The following NCOR2 variants were observed in gnomAD, a reference collection of about 807,000 sequenced individuals.
The protein encoded by NCOR2 is CTG repeat protein 26.
In NCOR2, 81 loss-of-function variants were observed where a neutral mutation model predicts 262.9. That is an observed-to-expected ratio of 0.31 (90% CI 0.26 to 0.37). NCOR2 has a LOEUF of 0.37. Among genes scored for constraint, NCOR2 ranks in the 10% least tolerant of loss-of-function variants. The pLI, the probability that NCOR2 is intolerant of heterozygous loss-of-function variation, is 1.00. For missense variants in NCOR2, 3,385 were observed against 3,621.4 expected (o/e 0.93, Z 1.68); for synonymous variants, 1,659 against 1,559.3 (o/e 1.06, Z -1.51).
Position 124,369,831 on chromosome 12 carries a change from C to A in NCOR2, c.2807+2191G>T, listed in dbSNP as rs75172814. 6.4e-3 allele frequency among the ~76,000 whole-genome samples: 981 copies of A among 152,172 alleles called. 12 individuals carry two copies. The highest frequency in any genetic ancestry group is 0.022 in the African/African-American group (932 of 41,546). ...CGGGGAGGGAGGACACGGCCCTGGG[C>A]GGGGCTGCAGGGGAGAGGACGGGAG... On this transcript the variant is annotated intron_variant, in intron 20 of 46. Coordinates refer to ENST00000405201, the Ensembl canonical transcript of NCOR2.
At chr12:124,338,796 C>T (rs1293629594) in intron 37 of NCOR2, among the ~76,000 whole-genome samples, 1 of 152,030 alleles carries the variant, frequency 6.6e-6, no homozygotes, top group Non-Finnish European at 1.5e-5. Context: ...TCCCCATCTA[C>T]TCATCCCACC....
chr12:124,501,747 C>T (rs1015272196), intron 1 of NCOR2, among the ~76,000 whole-genome samples: 3 of 152,218 alleles, frequency 2.0e-5, no homozygotes, highest in African/African-American at 4.8e-5. Flanking sequence ...CAAACAAGGC[C>T]GCACTCCCAG....
rs998070492 is a variant in NCOR2, at chr12:124,503,718, G to T, written c.-117-8350C>A. Among the ~76,000 whole-genome samples, 4 of 146,542 alleles carry T rather than the reference G, an allele frequency of 2.7e-5. No homozygotes were observed. The highest frequency in any genetic ancestry group is 6.0e-5 in the Non-Finnish European group (4 of 66,608). ...TGGATGGATGGATGGATGGACAGAC[G>T]AATGGATGGATGGATGGACGGATGG... On this transcript the variant is annotated intron_variant, in intron 1 of 46. Transcript: ENST00000404621. This position sits in a 1 kb window ranked among gnomAD's most constrained non-coding sequence, Gnocchi z 4.3.
At chr12:124,466,260 C>T (rs376189107) in exon 5 of NCOR2, 20 of 1,608,160 alleles carry the variant, frequency 1.2e-5, no homozygotes, top group Non-Finnish European at 1.5e-5. Flanking sequence ...GCTCGGGCGG[C>T]TTGGCAGCCT....
intron 7 of NCOR2, among the ~76,000 whole-genome samples, chr12:124,446,372 T>C (rs1031021968): frequency 6.6e-6 from 1 of 152,228 alleles, no homozygotes; most frequent in East Asian, 1.9e-4. Flanking sequence ...ATAAACTTCA[T>C]CACTATTATA....
intron 9 of NCOR2, 58 bp from the exon 12 acceptor site, chr12:124,429,764 G>A (rs550942481): frequency 6.8e-7 from 1 of 1,480,562 alleles, no homozygotes; most frequent in East Asian, 2.4e-5. Flanking sequence ...GACACTAGCA[G>A]ACCCCTGTGG....
intron 13 of NCOR2, among the ~76,000 whole-genome samples, chr12:124,412,374 T>C (rs2042630524): frequency 6.6e-6 from 1 of 152,244 alleles, no homozygotes; most frequent in Non-Finnish European, 1.5e-5. Context: ...GGCGTCTTGC[T>C]GCTGGGCTGT....
At chr12:124,494,532 C>T (rs1041769375) in intron 1 of NCOR2, among the ~76,000 whole-genome samples, 12 of 152,314 alleles carry the variant, frequency 7.9e-5, no homozygotes, top group Admixed American at 2.6e-4. Flanking sequence ...CCGACCAGGG[C>T]ACACATGTGG....
At chr12:124,430,769 G>A (rs537132974) in exon 9 of NCOR2, 10 of 1,611,306 alleles carry the variant, frequency 6.2e-6, no homozygotes, top group South Asian at 2.2e-5. Context: ...TGGTCATAGC[G>A]CTGGCAGAAC....
chr12:124,557,782 T>A (rs2051931322), intron 1 of NCOR2, among the ~76,000 whole-genome samples: 1 of 152,090 alleles, frequency 6.6e-6, no homozygotes, highest in African/African-American at 2.4e-5. Flanking sequence ...CTTGCCTTCC[T>A]CCCCTGGTTT....
In NCOR2 at chr12:124,389,249, G is replaced by C. The variant is rs1297367121; in HGVS notation, c.1877-3362C>G. ...AAAATCCAAGGACCCAGGCCCAGCA[G>C]GGCAGCCGTGTCCCCCGCAGCCGGG... On this transcript the variant is annotated intron_variant, in intron 16 of 46. Coordinates refer to ENST00000405201, the Ensembl canonical transcript of NCOR2. This position sits in a 1 kb window ranked among gnomAD's most constrained non-coding sequence, Gnocchi z 4.4. 6.6e-6 allele frequency among the ~76,000 whole-genome samples: 1 copy of C among 152,248 alleles called. No homozygotes were observed. The highest frequency in any genetic ancestry group is 2.4e-5 in the African/African-American group (1 of 41,464).
intron 7 of NCOR2, among the ~76,000 whole-genome samples, chr12:124,441,087 G>A (rs1367361557): frequency 1.3e-5 from 2 of 152,088 alleles, no homozygotes; most frequent in East Asian, 3.8e-4. Context: ...AGACAGCTGT[G>A]AAGGCCTAGA....
chr12:124,376,302 T>A (rs113100824), intron 18 of NCOR2, among the ~76,000 whole-genome samples: 2 of 152,144 alleles, frequency 1.3e-5, no homozygotes, highest in African/African-American at 4.8e-5. Flanking sequence ...CTGCAAGCGA[T>A]GCGGGGGTCG....
At chr12:124,368,170 C>T (rs1019858624) in intron 20 of NCOR2, among the ~76,000 whole-genome samples, 3 of 152,234 alleles carry the variant, frequency 2.0e-5, no homozygotes, top group Non-Finnish European at 4.4e-5. Context: ...AAGGGCTGTC[C>T]GTGGGTGGGC....
chr12:124,348,579 A>C, intron 28 of NCOR2: 1 of 505,278 alleles, frequency 2.0e-6, no homozygotes, highest in Admixed American at 3.8e-5. Context: ...CTAGCCCTCC[A>C]GGGTGCTCTG....
At chr12:124,414,592 AG>A (rs1248688459) in intron 13 of NCOR2, among the ~76,000 whole-genome samples, 1 of 152,172 alleles carries the variant, frequency 6.6e-6, no homozygotes, top group Non-Finnish European at 1.5e-5. Flanking sequence ...CCAAAACTAG[AG>A]GGCCCAGGAA....
intron 13 of NCOR2, among the ~76,000 whole-genome samples, chr12:124,410,616 T>C (rs1029079112): frequency 1.3e-5 from 2 of 151,724 alleles, no homozygotes; most frequent in African/African-American, 4.8e-5. Context: ...AGGCAGCAGG[T>C]TTGAAACAAG....
chr12:124,506,541 C>T (rs140009274), intron 1 of NCOR2, among the ~76,000 whole-genome samples: 1 of 151,430 alleles, frequency 6.6e-6, no homozygotes, highest in Non-Finnish European at 1.5e-5. Flanking sequence ...CACAGCAGGA[C>T]GAACCCTCCC....
At chr12:124,553,400 C>A (rs2051776938) in intron 1 of NCOR2, among the ~76,000 whole-genome samples, 1 of 152,198 alleles carries the variant, frequency 6.6e-6, no homozygotes, top group Admixed American at 6.5e-5. Flanking sequence ...CATTACTCAG[C>A]TTAACACAGG....
Sources: allele counts gnomAD v4.1 joint callset (sites outside exome capture counted in the v4.1 genomes callset), GRCh38; gene constraint gnomAD v4.1.1; non-coding constraint Gnocchi (gnomAD v3.1); transcripts MANE v1.5; gene names NCBI Gene and HGNC (gene_info 2026-07-23, HGNC 2026-07-21).